The following TMEM177 variants were observed in gnomAD, a reference collection of about 807,000 sequenced individuals.
TMEM177 encodes transmembrane protein 177.
A neutral mutation model predicts 14.2 loss-of-function variants in TMEM177; 4 were observed. That is an observed-to-expected ratio of 0.28 (90% confidence interval 0.14 to 0.64). The LOEUF is 0.64. Among genes scored for constraint, TMEM177 ranks in the 30% least tolerant of loss-of-function variants. The probability of loss-of-function intolerance (pLI) is 0.82; values close to 1 mark genes in which losing one functional copy is unlikely to be tolerated. For missense variants in TMEM177, 344 were observed against 405.2 expected (o/e 0.85, Z 1.30); for synonymous variants, 179 against 174.5 (o/e 1.03, Z -0.20).
chr2:119,720,471 T>C, the TMEM177 span, among the ~76,000 whole-genome samples: 18 of 152,028 alleles, frequency 1.2e-4, no homozygotes, highest in African/African-American at 4.3e-4. Flanking sequence ...GGTTTCTCCA[T>C]GTTGGTCAGG....
chr2:119,683,681 TCA>T (rs1688956367), downstream of TMEM177, among the ~76,000 whole-genome samples: 1 of 152,184 alleles, frequency 6.6e-6, no homozygotes, highest in Non-Finnish European at 1.5e-5. Flanking sequence ...TTGTCTCCAC[TCA>T]CAGGCTGTTC....
chr2:119,705,983 T>TATATATATATATA, the TMEM177 span, among the ~76,000 whole-genome samples: 2 of 143,222 alleles, frequency 1.4e-5, no homozygotes, highest in African/African-American at 2.6e-5. Context: ...GCTCTCTCTC[T>TATATATATATATA]CTATATATAT....
the TMEM177 span, among the ~76,000 whole-genome samples, chr2:119,692,104 C>T: frequency 6.6e-6 from 1 of 152,230 alleles, no homozygotes; most frequent in Non-Finnish European, 1.5e-5. Context: ...CCCTTCACTT[C>T]CTCTACCTCC....
In TMEM177 at chr2:119,681,361, G is replaced by A. The variant is rs547985745; in HGVS notation, c.508G>A (p.Ala170Thr). 18 of 1,613,946 alleles carry A rather than the reference G, an allele frequency of 1.1e-5. No homozygotes were observed. The East Asian group carries it at 2.5e-4, about 22-fold the overall frequency. ...GGAAAGCAGTACCACTGCCGTGCAC[G>A]CCCTGCTGGCCCCAGCTTGCCTGGC... Reference protein sequence around the residue: ...YLESSTTAVHALLAPACLAGT... With the variant: ...YLESSTTAVHTLLAPACLAGT... Residue 170 changes from alanine (A) to threonine (T), a missense_variant, in exon 2 of 2, where the codon GCC becomes ACC. Ala to Thr is a moderately conservative substitution (Grantham distance 58). Coordinates refer to ENST00000272521, the MANE Select transcript of TMEM177 (RefSeq NM_030577.3).
At chr2:119,684,389 C>T (rs1285672043), downstream of TMEM177, among the ~76,000 whole-genome samples, 1 of 152,218 alleles carries the variant, frequency 6.6e-6, no homozygotes, top group African/African-American at 2.4e-5. Flanking sequence ...CACTGTCATA[C>T]ACCCAATACC....
the TMEM177 span, among the ~76,000 whole-genome samples, chr2:119,698,334 A>G: frequency 5.1e-4 from 78 of 152,332 alleles, 1 homozygote; most frequent in Admixed American, 4.8e-3. Context: ...AAGAAACAAG[A>G]GAAGGCTAGA....
chr2:119,716,741 A>G, the TMEM177 span, among the ~76,000 whole-genome samples: 1 of 152,168 alleles, frequency 6.6e-6, no homozygotes, highest in African/African-American at 2.4e-5. Context: ...GGGAAATGCA[A>G]TTATTTGGGG....
At chr2:119,708,736 T>C in the TMEM177 span, among the ~76,000 whole-genome samples, 1 of 152,022 alleles carries the variant, frequency 6.6e-6, no homozygotes, top group Non-Finnish European at 1.5e-5. Flanking sequence ...CATCACTCTT[T>C]GTAAAAACTA....
At chr2:119,701,034 G>C in the TMEM177 span, among the ~76,000 whole-genome samples, 2 of 152,198 alleles carry the variant, frequency 1.3e-5, no homozygotes, top group East Asian at 3.9e-4. Flanking sequence ...AGAGAGCCAA[G>C]GACAGAGCTG....
chr2:119,710,901 C>T, the TMEM177 span, among the ~76,000 whole-genome samples: 7 of 152,256 alleles, frequency 4.6e-5, no homozygotes, highest in South Asian at 2.1e-4. Context: ...TGAGCCACCA[C>T]GCCCGGCCCA....
the TMEM177 span, among the ~76,000 whole-genome samples, chr2:119,716,368 C>G: frequency 6.6e-6 from 1 of 152,220 alleles, no homozygotes; most frequent in African/African-American, 2.4e-5. Context: ...CCAGCCTCTG[C>G]AGTGAAAGAT....
the TMEM177 span, among the ~76,000 whole-genome samples, chr2:119,715,640 G>A: frequency 1.3e-5 from 2 of 152,214 alleles, no homozygotes; most frequent in East Asian, 3.8e-4. Flanking sequence ...CCATGGTGCT[G>A]AGCTGTAAGG....
the TMEM177 span, chr2:119,699,827 A>C: frequency 2.6e-6 from 1 of 383,494 alleles, no homozygotes; most frequent in South Asian, 2.2e-5. Context: ...CAGGCCAAGA[A>C]GTGAGGCTGG....
chr2:119,681,309 C>G lies in TMEM177; in HGVS notation c.456C>G (p.Phe152Leu), dbSNP rs368913671. The G allele has an allele frequency of 3.7e-6, 6 of 1,614,236 alleles. No individual in the cohort carries two copies. The highest frequency in any genetic ancestry group is 5.1e-6 in the Non-Finnish European group (6 of 1,180,040). ...SLTLSREAQKFALAREVVYLE... is the reference protein window; with the variant it reads ...SLTLSREAQKLALAREVVYLE... ...CCTTGTCCCGTGAAGCCCAGAAGTT[C>G]GCCTTGGCCAGGGAAGTGGTGTACC... The change falls in exon 2 of 2, where the codon TTC (phenylalanine) becomes TTG (leucine). Residue 152 changes from phenylalanine to leucine, a missense_variant. Phe to Leu is a conservative substitution (Grantham distance 22). Transcript: ENST00000272521.
At chr2:119,721,450 A>G in the TMEM177 span, among the ~76,000 whole-genome samples, 2 of 152,322 alleles carry the variant, frequency 1.3e-5, no homozygotes, top group South Asian at 4.1e-4. Context: ...TCTTTATTAT[A>G]AAACTATAAT....
chr2:119,719,733 G>T, the TMEM177 span, among the ~76,000 whole-genome samples: 2 of 152,126 alleles, frequency 1.3e-5, no homozygotes, highest in African/African-American at 4.8e-5. Flanking sequence ...AGGTCAGGGA[G>T]GCACTCACCT....
At chr2:119,697,098 A>C in the TMEM177 span, among the ~76,000 whole-genome samples, 1 of 152,196 alleles carries the variant, frequency 6.6e-6, no homozygotes, top group African/African-American at 2.4e-5. Context: ...TGGCTTCCTC[A>C]AGAGATCCAA....
chr2:119,685,447 T>C (rs550597386), downstream of TMEM177, among the ~76,000 whole-genome samples: 6 of 151,978 alleles, frequency 3.9e-5, 1 homozygote, highest in Admixed American at 3.9e-4. Context: ...CTGATCCCCA[T>C]GTGTGTGTAG....
the TMEM177 span, among the ~76,000 whole-genome samples, chr2:119,693,179 C>T: frequency 2.0e-5 from 3 of 151,962 alleles, no homozygotes; most frequent in East Asian, 1.9e-4. Flanking sequence ...AGGTCAAGGC[C>T]GTGGCCGCAG....
Sources: allele counts gnomAD v4.1 joint callset (sites outside exome capture counted in the v4.1 genomes callset), GRCh38; gene constraint gnomAD v4.1.1; transcripts MANE v1.5; gene names NCBI Gene and HGNC (gene_info 2026-07-23, HGNC 2026-07-21).